The following GBA1 variants were observed in gnomAD, a reference collection of about 807,000 sequenced individuals.
The protein encoded by GBA1 is lysosomal acid glucosylceramidase.
chr1:155,239,609 T>C, the GBA1 span: 1 of 1,614,168 alleles, frequency 6.2e-7, no homozygotes, highest in Admixed American at 1.7e-5. Context: ...GTCCCCTTCC[T>C]CCTCACCTTC....
chr1:155,243,872 A>G, the GBA1 span, among the ~76,000 whole-genome samples: 1 of 151,768 alleles, frequency 6.6e-6, no homozygotes, highest in Non-Finnish European at 1.5e-5. Context: ...TCCTAGGTTC[A>G]AGCGGAGGGT....
chr1:155,243,910 T>C, the GBA1 span, among the ~76,000 whole-genome samples: 1 of 152,002 alleles, frequency 6.6e-6, no homozygotes, highest in Non-Finnish European at 1.5e-5. Context: ...GGCACCCATC[T>C]GCAGCTCCAG....
the GBA1 span, chr1:155,238,102 G>T: frequency 6.2e-7 from 1 of 1,610,504 alleles, no homozygotes; most frequent in East Asian, 2.2e-5. Flanking sequence ...TGGGAGGCCA[G>T]TCCTGATCCC....
the GBA1 span, chr1:155,237,916 AAG>A: frequency 1.5e-6 from 1 of 667,770 alleles, no homozygotes; most frequent in Non-Finnish European, 2.5e-6. Flanking sequence ...AAAAAAAAAA[AAG>A]AAGAAAAATA....
chr1:155,238,012 G>A, the GBA1 span: 2 of 1,060,252 alleles, frequency 1.9e-6, no homozygotes, highest in Non-Finnish European at 2.9e-6. Flanking sequence ...AGGCCCAGAA[G>A]GTAGAAAGGT....
At chr1:155,241,822 A>G in the GBA1 span, among the ~76,000 whole-genome samples, 1 of 152,194 alleles carries the variant, frequency 6.6e-6, no homozygotes, top group Admixed American at 6.5e-5. Context: ...TGGCAGTGGG[A>G]TGACAGGACT....
the GBA1 span, among the ~76,000 whole-genome samples, chr1:155,242,993 CCT>C: frequency 6.6e-6 from 1 of 152,306 alleles, no homozygotes; most frequent in South Asian, 2.1e-4. Flanking sequence ...TCACTCTAAG[CCT>C]CTGTTTCATC....
the GBA1 span, chr1:155,235,231 T>G: frequency 5.6e-6 from 9 of 1,613,580 alleles, no homozygotes; most frequent in Admixed American, 1.7e-5. Flanking sequence ...GCCATCGGGA[T>G]GCATCAGTGC....
At chr1:155,244,528 C>G in the GBA1 span, 1 of 152,246 alleles carries the variant, frequency 6.6e-6, no homozygotes, top group African/African-American at 2.4e-5. Context: ...GAAACAGCAG[C>G]CCCAACCGGA....
At chr1:155,243,860 C>A in the GBA1 span, among the ~76,000 whole-genome samples, 2 of 151,940 alleles carry the variant, frequency 1.3e-5, no homozygotes, top group African/African-American at 4.8e-5. Flanking sequence ...GCAACCTCCG[C>A]CTCCTAGGTT....
At chr1:155,237,588 G>C in the GBA1 span, 1 of 1,613,048 alleles carries the variant, frequency 6.2e-7, no homozygotes, top group Non-Finnish European at 8.5e-7. Flanking sequence ...CCTGGCAAGA[G>C]AAAGGTCATG....
chr1:155,236,539 G>A, the GBA1 span: 2 of 1,269,820 alleles, frequency 1.6e-6, no homozygotes, highest in Non-Finnish European at 2.3e-6. Flanking sequence ...CCTGTTGTAG[G>A]AATCCTGGAG....
the GBA1 span, chr1:155,244,404 T>G: frequency 6.6e-6 from 1 of 151,904 alleles, no homozygotes; most frequent in East Asian, 1.9e-4. Flanking sequence ...CCTCAAAAAA[T>G]AATAATAATA....
At chr1:155,241,490 G>C in the GBA1 span, among the ~76,000 whole-genome samples, 1 of 152,054 alleles carries the variant, frequency 6.6e-6, no homozygotes, top group Non-Finnish European at 1.5e-5. Context: ...ACCACAGCAG[G>C]CACACTTCTT....
chr1:155,240,388 T>G, the GBA1 span: 1 of 607,102 alleles, frequency 1.6e-6, no homozygotes. Context: ...CGCTTGAATC[T>G]GGGAGGCAGA....
At chr1:155,238,876 C>T in the GBA1 span, 7 of 613,228 alleles carry the variant, frequency 1.1e-5, no homozygotes, top group Non-Finnish European at 2.0e-5. Context: ...TTTCACAGGG[C>T]ATTAAAACAG....
chr1:155,239,929 C>T, the GBA1 span: 13 of 1,614,144 alleles, frequency 8.1e-6, no homozygotes, highest in Admixed American at 1.3e-4. Flanking sequence ...TACTCAGCTC[C>T]ATCCGTCGCC....
the GBA1 span, among the ~76,000 whole-genome samples, chr1:155,241,584 C>T: frequency 1.3e-5 from 2 of 152,020 alleles, no homozygotes; most frequent in South Asian, 2.1e-4. Flanking sequence ...ACTGACACTA[C>T]CAAGATGTTT....
chr1:155,238,216 T>C, the GBA1 span: 1 of 1,614,106 alleles, frequency 6.2e-7, no homozygotes, highest in Non-Finnish European at 8.5e-7. Context: ...ACCGCTCCAT[T>C]GGTCTTGAGC....
Sources: allele counts gnomAD v4.1 joint callset (sites outside exome capture counted in the v4.1 genomes callset), GRCh38; gene constraint gnomAD v4.1.1; transcripts MANE v1.5; gene names NCBI Gene and HGNC (gene_info 2026-07-23, HGNC 2026-07-21).